NKAIN2: variants seen among roughly 807,000 people sequenced by gnomAD.
The protein encoded by NKAIN2 is sodium/potassium transporting ATPase interacting 2.
In NKAIN2, 14 loss-of-function variants were observed where a neutral mutation model predicts 32.6. That is an observed-to-expected ratio of 0.43 (90% CI 0.28 to 0.67). The LOEUF is 0.67. NKAIN2 is among the 30% of genes least tolerant of loss of function. The probability of loss-of-function intolerance (pLI) is 0.17; values close to 1 mark genes in which losing one functional copy is unlikely to be tolerated. For missense variants in NKAIN2, 198 were observed against 258.3 expected (o/e 0.77, Z 1.60); for synonymous variants, 80 against 87.2 (o/e 0.92, Z 0.46).
At chr6:123,940,692 G>T (rs546354179) in intron 1 of NKAIN2, among the ~76,000 whole-genome samples, 3 of 152,148 alleles carry the variant, frequency 2.0e-5, no homozygotes, top group East Asian at 1.9e-4. Context: ...TGGTACATCT[G>T]TATAGAGCAT....
At chr6:124,644,843 A>C (rs1160528147) in intron 3 of NKAIN2, among the ~76,000 whole-genome samples, 2 of 152,212 alleles carry the variant, frequency 1.3e-5, no homozygotes, top group Admixed American at 6.5e-5. Context: ...CACACTGAGG[A>C]ATTCCTGTTA....
At chr6:124,475,938 C>CTTTTTCTAA (rs950444944) in intron 3 of NKAIN2, among the ~76,000 whole-genome samples, 2 of 151,892 alleles carry the variant, frequency 1.3e-5, no homozygotes, top group African/African-American at 4.8e-5. Context: ...TGTGTGGTAG[C>CTTTTTCTAA]TTTTTCTAAT....
intron 3 of NKAIN2, among the ~76,000 whole-genome samples, chr6:124,413,420 A>T (rs960721836): frequency 1.3e-5 from 2 of 151,850 alleles, no homozygotes; most frequent in Non-Finnish European, 2.9e-5. Context: ...GATCTCACTG[A>T]TATATCTTTA....
intron 3 of NKAIN2, among the ~76,000 whole-genome samples, chr6:124,379,261 AGAG>A (rs1305909090): frequency 3.0e-5 from 1 of 33,772 alleles, no homozygotes; most frequent in Non-Finnish European, 6.1e-5. Flanking sequence ...AGAAGGGAGG[AGAG>A]GAGAGAAAGG....
intron 3 of NKAIN2, among the ~76,000 whole-genome samples, chr6:124,411,625 C>T (rs2114498704): frequency 6.6e-6 from 1 of 152,256 alleles, no homozygotes; most frequent in East Asian, 1.9e-4. Flanking sequence ...TTTTTTCCTT[C>T]ATTTCAACTT....
chr6:124,433,254 AACTTC>A (rs1245633039), intron 3 of NKAIN2, among the ~76,000 whole-genome samples: 1 of 152,164 alleles, frequency 6.6e-6, no homozygotes. Context: ...TGTATTCCAT[AACTTC>A]ACTCTTCCCC....
intron 4 of NKAIN2, among the ~76,000 whole-genome samples, chr6:124,750,809 C>T (rs1281448847): frequency 6.6e-6 from 1 of 151,944 alleles, no homozygotes; most frequent in African/African-American, 2.4e-5. Flanking sequence ...TGTGACCCTT[C>T]GGTGCAGTTC....
At chr6:124,441,654 T>C (rs933966284) in intron 3 of NKAIN2, among the ~76,000 whole-genome samples, 1 of 152,098 alleles carries the variant, frequency 6.6e-6, no homozygotes, top group Non-Finnish European at 1.5e-5. Context: ...TTTCAGATGA[T>C]TCTATTCCCC....
At chr6:124,599,300 G>A (rs1782218390) in intron 3 of NKAIN2, among the ~76,000 whole-genome samples, 2 of 152,052 alleles carry the variant, frequency 1.3e-5, no homozygotes, top group African/African-American at 2.4e-5. Flanking sequence ...ATAGGTTGAT[G>A]TATGAAAGAT....
chr6:123,945,191 C>G (rs1777007599), intron 1 of NKAIN2, among the ~76,000 whole-genome samples: 1 of 151,988 alleles, frequency 6.6e-6, no homozygotes, highest in Admixed American at 6.6e-5. Flanking sequence ...CAGGGTGCAT[C>G]TTTTTCATCA....
intron 3 of NKAIN2, among the ~76,000 whole-genome samples, chr6:124,375,746 T>C (rs1435755623): frequency 6.6e-6 from 1 of 151,976 alleles, no homozygotes; most frequent in Non-Finnish European, 1.5e-5. Flanking sequence ...CTCCAGAAAG[T>C]TAAGAGGTTA....
intron 1 of NKAIN2, among the ~76,000 whole-genome samples, chr6:124,267,838 A>G (rs1794573781): frequency 6.6e-6 from 1 of 152,222 alleles, no homozygotes; most frequent in Non-Finnish European, 1.5e-5. Context: ...CATGAAAAAT[A>G]TCTTTAATTT....
intron 1 of NKAIN2, among the ~76,000 whole-genome samples, chr6:124,257,485 T>A (rs980951678): frequency 3.3e-5 from 5 of 152,214 alleles, no homozygotes; most frequent in African/African-American, 9.6e-5. Context: ...TATACCATAT[T>A]TGAGACTTCT....
chr6:123,915,174 G>A (rs1391429735), intron 1 of NKAIN2, among the ~76,000 whole-genome samples: 3 of 152,094 alleles, frequency 2.0e-5, no homozygotes, highest in Admixed American at 6.6e-5. Flanking sequence ...CTTGCTCAAC[G>A]CAAAAATCTG....
chr6:124,540,937 C>G (rs1054065590), intron 3 of NKAIN2, among the ~76,000 whole-genome samples: 1 of 152,130 alleles, frequency 6.6e-6, no homozygotes, highest in Non-Finnish European at 1.5e-5. Flanking sequence ...AACTGCATTT[C>G]TGCTTAAAAT....
chr6:124,053,855 A>G (rs1049823286), intron 1 of NKAIN2, among the ~76,000 whole-genome samples: 6 of 152,050 alleles, frequency 3.9e-5, no homozygotes, highest in African/African-American at 1.4e-4. Context: ...TGGTGAGTTC[A>G]TTGTGTTACA....
chr6:123,945,291 T>A (rs536738567), intron 1 of NKAIN2, among the ~76,000 whole-genome samples: 51 of 152,244 alleles, frequency 3.3e-4, no homozygotes, highest in African/African-American at 1.2e-3. Context: ...CTCTGGTGCA[T>A]TAGAAAATGA....
intron 1 of NKAIN2, among the ~76,000 whole-genome samples, chr6:123,875,207 T>A (rs1431918286): frequency 6.6e-6 from 1 of 152,042 alleles, no homozygotes; most frequent in Non-Finnish European, 1.5e-5. Context: ...CACTTTTTTT[T>A]ACAGGTTTTC....
At chr6:124,367,581 T>C (rs868832939) in intron 3 of NKAIN2, among the ~76,000 whole-genome samples, 1 of 152,210 alleles carries the variant, frequency 6.6e-6, no homozygotes, top group Admixed American at 6.5e-5. Flanking sequence ...TTATAGATTA[T>C]GGTTCTCTTA....
Sources: gnomAD v4.1 joint callset for allele counts (sites outside exome capture counted in the v4.1 genomes callset) on GRCh38, gnomAD v4.1.1 for gene constraint, MANE v1.5 for transcripts, NCBI Gene and HGNC (gene_info 2026-07-23, HGNC 2026-07-21) for gene names.